Variants in MLLT3 observed in about 807,000 individuals in gnomAD.
MLLT3 encodes the protein protein AF-9.
Under a neutral mutation model 53.2 loss-of-function variants are expected in MLLT3, and 4 were observed. The ratio of observed to expected loss-of-function variants is 0.08; its 90% CI spans 0.04 to 0.17. MLLT3 has a LOEUF of 0.17. Ranked by LOEUF, MLLT3 falls within the 10% of genes least tolerant of loss-of-function variation. The probability of loss-of-function intolerance (pLI) is 1.00; values close to 1 mark genes in which losing one functional copy is unlikely to be tolerated. For synonymous variants in MLLT3, 283 were observed against 230.6 expected, an observed-to-expected ratio of 1.23 and a Z score of -2.06; for missense variants, 569 against 684.0, an observed-to-expected ratio of 0.83 and a Z score of 1.87.
At chr9:20,616,835 TG>T (rs1466703071) in intron 2 of MLLT3, among the ~76,000 whole-genome samples, 1 of 152,166 alleles carries the variant, frequency 6.6e-6, no homozygotes, top group East Asian at 1.9e-4. Flanking sequence ...ACAAGAAACA[TG>T]CTGTATCTTT....
Position 20,480,797 on chromosome 9 carries a change from C to A in MLLT3, c.194-24011G>T, listed in dbSNP as rs538376415. Among the ~76,000 whole-genome samples the A allele has an allele frequency of 1.4e-4, 22 of 152,284 alleles. No homozygotes were observed. The East Asian group carries it at 4.2e-3, about 29-fold the overall frequency. On this transcript the variant is annotated intron_variant, in intron 2 of 10. Transcript: ENST00000380338. The stretch of plus-strand genomic sequence containing the variant: ...ACTGGGAACCCATTTATTTTAATAT[C>A]TCAGAGGGCCTCATATAATGATAGG...
At chr9:20,399,897 A>G (rs933632256) in intron 5 of MLLT3, among the ~76,000 whole-genome samples, 1 of 152,084 alleles carries the variant, frequency 6.6e-6, no homozygotes, top group African/African-American at 2.4e-5. Context: ...GTTTGGGGGG[A>G]GAAAGTAGAT....
chr9:20,478,602 C>T (rs1206660897), intron 2 of MLLT3, among the ~76,000 whole-genome samples: 2 of 152,140 alleles, frequency 1.3e-5, no homozygotes, highest in Non-Finnish European at 2.9e-5. Context: ...TTGCTCTGCA[C>T]ATGATCACTA....
intron 2 of MLLT3, among the ~76,000 whole-genome samples, chr9:20,520,744 G>A (rs1249095509): frequency 6.6e-6 from 1 of 152,178 alleles, no homozygotes. Context: ...CTAAGAAAAA[G>A]GGGACGTTCT....
chr9:20,388,432 C>T (rs187675170), intron 5 of MLLT3, among the ~76,000 whole-genome samples: 47 of 151,956 alleles, frequency 3.1e-4, no homozygotes, highest in Admixed American at 2.5e-3. Flanking sequence ...ACTAAAAATA[C>T]CAAAAATTAG....
chr9:20,417,377 A>G (rs1822897281), intron 4 of MLLT3, among the ~76,000 whole-genome samples: 1 of 147,950 alleles, frequency 6.8e-6, no homozygotes, highest in Non-Finnish European at 1.5e-5. Flanking sequence ...TATATATTAT[A>G]TATAAATATG....
At chr9:20,561,260 T>C (rs566795904) in intron 2 of MLLT3, among the ~76,000 whole-genome samples, 1 of 152,278 alleles carries the variant, frequency 6.6e-6, no homozygotes, top group African/African-American at 2.4e-5. Flanking sequence ...GAGCACTATA[T>C]ATATAGACAA....
At chr9:20,487,947 A>C (rs1055783593) in intron 2 of MLLT3, among the ~76,000 whole-genome samples, 1 of 152,136 alleles carries the variant, frequency 6.6e-6, no homozygotes, top group African/African-American at 2.4e-5. Context: ...ACCTCTGTTA[A>C]AGACAAGTTA....
intron 2 of MLLT3, among the ~76,000 whole-genome samples, chr9:20,611,289 C>T (rs1394473702): frequency 6.6e-6 from 1 of 152,042 alleles, no homozygotes; most frequent in Admixed American, 6.6e-5. Context: ...AATGAAAAGG[C>T]ATCATTCAGA....
intron 6 of MLLT3, 85 bp downstream of exon 6, chr9:20,365,584 T>A: frequency 1.4e-6 from 2 of 1,467,176 alleles, no homozygotes; most frequent in South Asian, 1.2e-5. Flanking sequence ...TCCTGACCTC[T>A]TGATCCACCC....
At chr9:20,360,580 C>T (rs1028483129) in intron 8 of MLLT3, among the ~76,000 whole-genome samples, 162 bp downstream of exon 8, 9 of 152,216 alleles carry the variant, frequency 5.9e-5, no homozygotes, top group African/African-American at 2.2e-4. Flanking sequence ...ACCTCTTATA[C>T]CCTAACTATG....
intron 2 of MLLT3, among the ~76,000 whole-genome samples, chr9:20,617,017 T>G (rs954771509): frequency 2.0e-5 from 3 of 152,160 alleles, no homozygotes; most frequent in South Asian, 2.1e-4. Flanking sequence ...AATTCAGCTT[T>G]TAAGTGCCTT....
intron 5 of MLLT3, among the ~76,000 whole-genome samples, chr9:20,385,407 C>G (rs567861580): frequency 6.6e-6 from 1 of 152,210 alleles, no homozygotes; most frequent in South Asian, 2.1e-4. Flanking sequence ...TATTTTGAAT[C>G]TCGAAGAAAA....
chr9:20,430,233 T>A (rs987918138), intron 4 of MLLT3, among the ~76,000 whole-genome samples: 1 of 152,130 alleles, frequency 6.6e-6, no homozygotes, highest in African/African-American at 2.4e-5. Context: ...GGTTCATAGA[T>A]GAGAATATTC....
At position 20,448,091 on chromosome 9, in the gene MLLT3, A is replaced by C; in HGVS notation, c.420+32T>G. ...TTTTTTGTTGTTGTTGTTTTTTAAT[A>C]GGAATGCTTTTCACAAGAGAGTGCC... On this transcript the variant is annotated intron_variant, in intron 4 of 10. Coordinates refer to ENST00000380338, the MANE Select transcript of MLLT3 (RefSeq NM_004529.4). The surrounding 1 kb of genome is among the most constrained non-coding windows in gnomAD (Gnocchi z 4.0). 1 of 1,575,578 alleles carries C rather than the reference A, an allele frequency of 6.3e-7. No individual in the cohort carries two copies. Among genetic ancestry groups the C allele is most frequent in the Non-Finnish European group, 8.6e-7 (1 of 1,164,912 alleles).
intron 3 of MLLT3, among the ~76,000 whole-genome samples, chr9:20,455,772 A>G (rs920711908): frequency 2.0e-4 from 30 of 152,134 alleles, no homozygotes; most frequent in African/African-American, 7.2e-4. Flanking sequence ...AGTACTTTGC[A>G]TAAGTTTATT....
intron 2 of MLLT3, among the ~76,000 whole-genome samples, chr9:20,512,254 A>G (rs577111602): frequency 6.6e-6 from 1 of 152,228 alleles, no homozygotes; most frequent in South Asian, 2.1e-4. Context: ...ATTAGCAATC[A>G]TATTTTCACT....
At chr9:20,518,096 T>C (rs1329385130) in intron 2 of MLLT3, among the ~76,000 whole-genome samples, 1 of 152,054 alleles carries the variant, frequency 6.6e-6, no homozygotes, top group African/African-American at 2.4e-5. Flanking sequence ...TCCTAGCACT[T>C]TGGGAGGTGG....
At chr9:20,510,273 G>A (rs752221604) in intron 2 of MLLT3, among the ~76,000 whole-genome samples, 9 of 152,088 alleles carry the variant, frequency 5.9e-5, no homozygotes, top group East Asian at 1.9e-4. Flanking sequence ...TAAAATATGC[G>A]AAAAGGTACT....
Sources: gnomAD v4.1 joint callset for allele counts (sites outside exome capture counted in the v4.1 genomes callset) on GRCh38, gnomAD v4.1.1 for gene constraint, Gnocchi (gnomAD v3.1) non-coding constraint, MANE v1.5 for transcripts, NCBI Gene and HGNC (gene_info 2026-07-23, HGNC 2026-07-21) for gene names.